ARFRP1: variants seen among roughly 807,000 people sequenced by gnomAD.
The protein encoded by ARFRP1 is ARF related protein 1, also known as ADP-ribosylation factor-related protein 1.
ARFRP1 carries 19 observed loss-of-function variants against 30.3 expected under a neutral mutation model. The observed-to-expected ratio is 0.63, with a 90% CI of 0.44 to 0.92. ARFRP1 has a LOEUF of 0.92. ARFRP1 is among the 40% of genes least tolerant of loss of function. ARFRP1 has a pLI of 0.00. For synonymous variants in ARFRP1, 133 were observed against 114.2 expected (o/e 1.16, Z -1.05); for missense variants, 245 against 267.5 (o/e 0.92, Z 0.59).
intron 5 of ARFRP1, 44 bp downstream of exon 5, chr20:63,702,092 C>A: frequency 1.3e-6 from 2 of 1,591,060 alleles, no homozygotes; most frequent in Non-Finnish European, 8.6e-7. Flanking sequence ...GGACCTGCCC[C>A]CACTCACCAT....
At position 63,706,360 on chromosome 20, in the gene ARFRP1, G is replaced by T; in HGVS notation, c.261C>A (p.Asp87Glu). The change falls in exon 4 of 8, where the codon GAC becomes GAA. Residue 87 changes from aspartate (D) to glutamate (E), a missense_variant. Asp to Glu is a conservative substitution (Grantham distance 45, BLOSUM62 2). Coordinates refer to ENST00000622789, the MANE Select transcript of ARFRP1 (RefSeq NM_001267547.3). Reference sequence around the variant, plus strand: ...GGTCCTGGCCAGGGAGTCTTACCTTGTCCCACAAAGACTGCAGCTCTTCCT... The same window carrying T: ...GGTCCTGGCCAGGGAGTCTTACCTTTTCCCACAAAGACTGCAGCTCTTCCT... ...GGQEELQSLW[D>E]KYYAECHGVI... 1 of 1,613,156 alleles carries T rather than the reference G, an allele frequency of 6.2e-7. No individual in the cohort carries two copies. Among genetic ancestry groups the T allele is most frequent in the Non-Finnish European group, 8.5e-7 (1 of 1,179,832 alleles).
chr20:63,703,801 GCC>G (rs1242414872), intron 4 of ARFRP1: 2 of 152,546 alleles, frequency 1.3e-5, no homozygotes, highest in East Asian at 3.8e-4. Flanking sequence ...AAGGTGCACA[GCC>G]CAGCAGGGCC....
Position 63,700,396 on chromosome 20 carries a change from C to A in ARFRP1, c.*47G>T. 6.2e-7 allele frequency: 1 copy of A among 1,600,668 alleles called. No homozygotes were observed. The highest frequency in any genetic ancestry group is 8.5e-7 in the Non-Finnish European group (1 of 1,178,952). ...GCATGGGAGCCAACAGGAGGCCACT[C>A]CTCCAGCACCAGGGGACCAGCCGTC... On this transcript the variant is annotated 3_prime_UTR_variant, in exon 8 of 8. Coordinates refer to ENST00000622789, the MANE Select transcript of ARFRP1 (RefSeq NM_001267547.3).
At position 63,700,255 on chromosome 20, in the gene ARFRP1, C is replaced by T; in HGVS notation, c.*188G>A. ...TGGGCCAGCCGGGCTGCCAGACTCC[C>T]CTCCAAAGCCTCCGGATGCCTACGC... On this transcript the variant is annotated 3_prime_UTR_variant, in exon 8 of 8. Transcript: ENST00000622789. The T allele has an allele frequency of 2.3e-6, 2 of 865,732 alleles. No individual in the cohort carries two copies. The highest frequency in any genetic ancestry group is 3.5e-6 in the Non-Finnish European group (2 of 578,732). The allele number at this position is 865,732 out of a possible 1,614,324, so 53.6% of individuals were successfully genotyped here. A position where few individuals can be genotyped will look rare whatever the true frequency, so the allele number is the denominator to read the frequency against.
intron 6 of ARFRP1, chr20:63,701,601 G>C: frequency 1.7e-6 from 1 of 594,702 alleles, no homozygotes; most frequent in South Asian, 2.0e-5. Context: ...GCAGGAAGAG[G>C]CCTCTGGGCG....
Position 63,699,261 on chromosome 20 carries a change from GGCCCGACTCCTGTGA to G in ARFRP1, c.*1167_*1181del. 1 of 152,272 alleles carries G rather than the reference GGCCCGACTCCTGTGA, an allele frequency of 6.6e-6. No individual in the cohort carries two copies. The highest frequency in any genetic ancestry group is 1.5e-5 in the Non-Finnish European group (1 of 68,028). 9.4% of individuals were successfully genotyped at this position (152,272 alleles called of 1,614,324 possible). A position where few individuals can be genotyped will look rare whatever the true frequency, so the allele number is the denominator to read the frequency against. On this transcript the variant is annotated 3_prime_UTR_variant, in exon 8 of 8. Coordinates refer to ENST00000622789, the MANE Select transcript of ARFRP1 (RefSeq NM_001267547.3). Reference sequence around the variant, plus strand: ...CTGGAGAGGACGCGGGGACTTCCAGGGCCCGACTCCTGTGAGTCACAGCCCCGCAGCTGCTGCGCC... The same window carrying G: ...CTGGAGAGGACGCGGGGACTTCCAGGGTCACAGCCCCGCAGCTGCTGCGCC...
rs2091044159 is a variant in ARFRP1, at chr20:63,698,696, T to G, written c.*1747A>C. The G allele has an allele frequency of 1.7e-6, 2 of 1,152,378 alleles. No homozygotes were observed. The highest frequency in any genetic ancestry group is 2.3e-6 in the Non-Finnish European group (2 of 873,426). The allele number at this position is 1,152,378 out of a possible 1,614,324, so 71.4% of individuals were successfully genotyped here. A position where few individuals can be genotyped will look rare whatever the true frequency, so the allele number is the denominator to read the frequency against. On this transcript the variant is annotated 3_prime_UTR_variant, in exon 8 of 8. Coordinates refer to ENST00000622789, the MANE Select transcript of ARFRP1 (RefSeq NM_001267547.3). ...GCTTTTTCATAAAACTGGTTGTAGT[T>G]GCACAGCTACTGGGAGGGCAGCCGG... is the stretch of plus-strand genomic sequence containing the variant.
At chr20:63,705,934 T>C (rs968097577) in intron 4 of ARFRP1, 10 of 350,388 alleles carry the variant, frequency 2.9e-5, no homozygotes, top group Non-Finnish European at 4.6e-5. Context: ...TTTCAAAACA[T>C]TGAAAGAAAC....
intron 6 of ARFRP1, chr20:63,701,125 GC>G (rs2091183511): frequency 4.7e-6 from 2 of 422,236 alleles, no homozygotes; most frequent in Non-Finnish European, 5.0e-6. Context: ...ACAACCACCT[GC>G]CCAGTCTTCA....
At chr20:63,704,993 G>C in intron 4 of ARFRP1, 1 of 152,874 alleles carries the variant, frequency 6.5e-6, no homozygotes, top group Non-Finnish European at 1.5e-5. Flanking sequence ...GGATCCTGCT[G>C]CCTGAGTCGA....
chr20:63,707,248 C>T, intron 1 of ARFRP1, 151 bp from the exon 2 acceptor site: 1 of 645,472 alleles, frequency 1.5e-6, no homozygotes, highest in Non-Finnish European at 2.7e-6. Flanking sequence ...TCTCCCACCC[C>T]GTCCCTCTGT....
At chr20:63,700,799 G>A in intron 6 of ARFRP1, 97 bp from the exon 7 acceptor site, 1 of 1,484,508 alleles carries the variant, frequency 6.7e-7, no homozygotes, top group Non-Finnish European at 9.1e-7. Context: ...CTTCACCCCA[G>A]GGAAACAGCC....
chr20:63,700,736 A>T, intron 6 of ARFRP1, 34 bp from the exon 7 acceptor site: 1 of 1,602,714 alleles, frequency 6.2e-7, no homozygotes, highest in Non-Finnish European at 8.5e-7. Context: ...AGCAGCCCCC[A>T]CGTCTGGCCC....
At position 63,698,780 on chromosome 20, in the gene ARFRP1, T is replaced by C; in HGVS notation, c.*1663A>G. ...TCAGGCTGCCTGCCATCAGAACTGCTGCCCGGGGCTTCCCCTACCTCAGAC... is the reference window on the plus strand; with the variant it reads ...TCAGGCTGCCTGCCATCAGAACTGCCGCCCGGGGCTTCCCCTACCTCAGAC... On this transcript the variant is annotated 3_prime_UTR_variant, in exon 8 of 8. Transcript: ENST00000622789. The C allele has an allele frequency of 2.0e-6, 1 of 493,058 alleles. No homozygotes were observed. Among genetic ancestry groups the C allele is most frequent in the Non-Finnish European group, 3.4e-6 (1 of 296,380 alleles). 30.5% of individuals were successfully genotyped at this position (493,058 alleles called of 1,614,324 possible).
rs115170816 is a variant in ARFRP1, at chr20:63,706,124, G to A, written c.264+233C>T. On this transcript the variant is annotated intron_variant, in intron 4 of 7. Transcript: ENST00000622789. ...CCTGGAATTCTCCACTGGCCCCATC[G>A]CAGGGAACTCCCAAGTGGGAAACTC... The A allele has an allele frequency of 2.0e-3, 964 of 489,668 alleles. 8 individuals carry two copies. Among genetic ancestry groups the A allele is most frequent in the African/African-American group, 0.017 (880 of 51,146 alleles). 30.3% of individuals were successfully genotyped at this position (489,668 alleles called of 1,614,324 possible).
intron 4 of ARFRP1, chr20:63,703,695 G>A (rs780178414): frequency 6.6e-6 from 1 of 152,368 alleles, no homozygotes; most frequent in Non-Finnish European, 1.5e-5. Context: ...CGTGGCTCCT[G>A]GGGCTTCTGA....
intron 6 of ARFRP1, chr20:63,701,327 C>T (rs779742419): frequency 1.9e-5 from 10 of 533,870 alleles, no homozygotes; most frequent in Middle Eastern, 3.1e-4. Context: ...TGCAAAGCCA[C>T]TCCAAGAGAA....
At chr20:63,701,961 G>A in intron 5 of ARFRP1, 61 bp from the exon 6 acceptor site, 2 of 1,431,094 alleles carry the variant, frequency 1.4e-6, no homozygotes, top group South Asian at 1.2e-5. Context: ...CTGCCCAGGG[G>A]CCCACAGGCG....
intron 4 of ARFRP1, chr20:63,702,573 G>C (rs2091266597): frequency 3.2e-6 from 1 of 316,188 alleles, no homozygotes; most frequent in African/African-American, 2.2e-5. Context: ...AACACAGTGA[G>C]ACTCCGTCTG....
Sources: allele counts gnomAD v4.1 joint callset, GRCh38; gene constraint gnomAD v4.1.1; transcripts MANE v1.5; gene names NCBI Gene and HGNC (gene_info 2026-07-23, HGNC 2026-07-21).